MYO18A: variants seen among roughly 807,000 people sequenced by gnomAD.
MYO18A encodes unconventional myosin-XVIIIa.
In MYO18A, 78 loss-of-function variants were observed where a neutral mutation model predicts 235.8. The observed-to-expected ratio is 0.33, with a 90% CI of 0.28 to 0.40. The LOEUF is 0.40. Among genes scored for constraint, MYO18A ranks in the 10% least tolerant of loss-of-function variants. MYO18A has a pLI of 1.00. For synonymous variants in MYO18A, 977 were observed against 1,077.8 expected, an observed-to-expected ratio of 0.91 and a Z score of 1.83; for missense variants, 2,215 against 2,699.3, an observed-to-expected ratio of 0.82 and a Z score of 3.98.
intron 28 of MYO18A, among the ~76,000 whole-genome samples, chr17:29,096,445 G>T (rs1441073691): frequency 6.6e-6 from 1 of 152,200 alleles, no homozygotes; most frequent in Non-Finnish European, 1.5e-5. Context: ...GGGGCTGAGG[G>T]CAGGGACATA....
At chr17:29,076,029 TAGG>T (rs2065966741) in intron 41 of MYO18A, 1 of 158,144 alleles carries the variant, frequency 6.3e-6, no homozygotes, top group Non-Finnish European at 1.5e-5. Flanking sequence ...CAAACCAAAA[TAGG>T]AGGAGTCAGC....
chr17:29,122,776 G>A (rs1470324554), intron 2 of MYO18A, among the ~76,000 whole-genome samples: 1 of 152,160 alleles, frequency 6.6e-6, no homozygotes, highest in African/African-American at 2.4e-5. Context: ...CCTGGACTTC[G>A]CAGTACAGAA....
chr17:29,173,870 C>G (rs1249037102), intron 1 of MYO18A, among the ~76,000 whole-genome samples: 5 of 152,186 alleles, frequency 3.3e-5, no homozygotes. Context: ...CTCCTGGGCT[C>G]AAGTGATCCT....
Position 29,111,337 on chromosome 17 carries a change from G to T in MYO18A, c.2900+87C>A. On this transcript the variant is annotated intron_variant, in intron 17 of 41. Transcript: ENST00000527372. This position sits in a 1 kb window ranked among gnomAD's most constrained non-coding sequence, Gnocchi z 5.1. ...GGCCATCTACTTTGCTAGTGAGGGG[G>T]CCTCTGAGACAACCCCAGGGGGAGG... The T allele has an allele frequency of 2.8e-6, 4 of 1,452,714 alleles. No homozygotes were observed. Among genetic ancestry groups the T allele is most frequent in the Admixed American group, 2.0e-5 (1 of 49,780 alleles). 90.0% of individuals were successfully genotyped at this position (1,452,714 alleles called of 1,614,324 possible).
At chr17:29,093,824 C>T (rs559297925) in intron 31 of MYO18A, among the ~76,000 whole-genome samples, 156 bp downstream of exon 31, 2 of 152,220 alleles carry the variant, frequency 1.3e-5, no homozygotes, top group Admixed American at 6.5e-5. Flanking sequence ...TGAGCCAATA[C>T]ATCCTGCCAA....
Position 29,110,632 on chromosome 17 carries a change from G to A in MYO18A, c.2901-10C>T, listed in dbSNP as rs375273021. On this transcript the variant is annotated splice_polypyrimidine_tract_variant and intron_variant, in intron 17 of 41. Transcript: ENST00000527372. Reference sequence around the variant, plus strand: ...GTTGCTGATGATTTTTCTGCCAGAGGTGGGAGGATAAGGGAGGAAAAGCAG... The same window carrying A: ...GTTGCTGATGATTTTTCTGCCAGAGATGGGAGGATAAGGGAGGAAAAGCAG... 9.4e-6 allele frequency: 15 copies of A among 1,600,526 alleles called. No individual in the cohort carries two copies. The highest frequency in any genetic ancestry group is 1.7e-6 in the Non-Finnish European group (2 of 1,170,936).
At chr17:29,103,908 G>A (rs529505161) in intron 20 of MYO18A, among the ~76,000 whole-genome samples, 7 of 152,384 alleles carry the variant, frequency 4.6e-5, no homozygotes, top group Admixed American at 2.0e-4. Context: ...ACAGGAGGTC[G>A]CACCTACGCA....
Position 29,121,744 on chromosome 17 carries a change from G to A in MYO18A, c.1195-21C>T. 1 of 1,576,964 alleles carries A rather than the reference G, an allele frequency of 6.3e-7. No homozygotes were observed. Among genetic ancestry groups the A allele is most frequent in the Non-Finnish European group, 8.6e-7 (1 of 1,159,436 alleles). On this transcript the variant is annotated intron_variant, in intron 4 of 41. Transcript: ENST00000527372. The surrounding 1 kb of genome is among the most constrained non-coding windows in gnomAD (Gnocchi z 4.2). ...TTAGCCTGTGTGGGAGGACAGGCGG[G>A]TGGGTATTAGAGCAGCAGAGCCCAT...
Position 29,140,007 on chromosome 17 carries a change from G to T in MYO18A, c.1000-17754C>A, listed in dbSNP as rs1274112039. On this transcript the variant is annotated intron_variant, in intron 2 of 41. Coordinates refer to ENST00000527372, the MANE Select transcript of MYO18A (RefSeq NM_078471.4). This position sits in a 1 kb window ranked among gnomAD's most constrained non-coding sequence, Gnocchi z 4.2. Reference sequence around the variant, plus strand: ...AATGAAGGCCAAAAAAGCACTAATGGTTGGTGGGGAAGGCGTGTCACAGCC... The same window carrying T: ...AATGAAGGCCAAAAAAGCACTAATGTTTGGTGGGGAAGGCGTGTCACAGCC... Among the ~76,000 whole-genome samples the T allele has an allele frequency of 1.3e-5, 2 of 152,162 alleles. No individual in the cohort carries two copies. The highest frequency in any genetic ancestry group is 4.8e-5 in the African/African-American group (2 of 41,426).
At chr17:29,119,457 T>A in intron 7 of MYO18A, 22 bp from the exon 8 acceptor site, 1 of 1,588,762 alleles carries the variant, frequency 6.3e-7, no homozygotes. Context: ...CATGGACGTG[T>A]GGGTAAGGAG....
rs774400910 is a variant in MYO18A, at chr17:29,118,064, C to G, written c.2019G>C (p.Gly673=). 10 of 1,586,340 alleles carry G rather than the reference C, an allele frequency of 6.3e-6. No individual in the cohort carries two copies. The highest frequency in any genetic ancestry group is 8.6e-6 in the Non-Finnish European group (10 of 1,166,418). The change falls in exon 10 of 42, where the codon GGG becomes GGC. Residue 673 remains glycine (G), a synonymous_variant. Transcript: ENST00000527372. This position sits in a 1 kb window ranked among gnomAD's most constrained non-coding sequence, Gnocchi z 4.2. ...GGTTACCTTTGGTGGCTCCCGCAGC[C>G]CCCAGGTGGTAGATGGCAGCCAGAA... ...WFILAAIYHL[G]AAGATKEAAE...
In MYO18A at chr17:29,098,150, C is replaced by A. The variant is rs1212027873; in HGVS notation, c.3945G>T (p.Glu1315Asp). The A allele has an allele frequency of 6.2e-7, 1 of 1,613,932 alleles. No individual in the cohort carries two copies. Reference protein sequence around the residue: ...GESASQLLDAETAERLRAEKE... With the variant: ...GESASQLLDADTAERLRAEKE... ...TCTCAGCCCGGAGCCTCTCTGCTGT[C>A]TCCGCGTCCAGCAGCTGGGAGGCGG... The change falls in exon 25 of 42, where the codon GAG (glutamate) becomes GAT (aspartate). Residue 1315 changes from glutamate to aspartate, a missense_variant. Glu to Asp is a conservative substitution (Grantham distance 45, BLOSUM62 2). Coordinates refer to ENST00000527372, the MANE Select transcript of MYO18A (RefSeq NM_078471.4).
At chr17:29,122,530 A>T (rs1598341976) in intron 2 of MYO18A, among the ~76,000 whole-genome samples, 1 of 152,204 alleles carries the variant, frequency 6.6e-6, no homozygotes, top group Non-Finnish European at 1.5e-5. Context: ...GGACACAGGG[A>T]TCTTGTGCCC....
chr17:29,089,011 A>G (rs1311912231), intron 37 of MYO18A, among the ~76,000 whole-genome samples: 1 of 149,758 alleles, frequency 6.7e-6, no homozygotes, highest in African/African-American at 2.5e-5. Context: ...GCGTCACTGC[A>G]CTACAGCCTG....
Position 29,098,338 on chromosome 17 carries a change from G to A in MYO18A, c.3870+18C>T. The A allele has an allele frequency of 1.2e-6, 2 of 1,613,382 alleles. No homozygotes were observed. Among genetic ancestry groups the A allele is most frequent in the Non-Finnish European group, 1.7e-6 (2 of 1,179,590 alleles). On this transcript the variant is annotated intron_variant, in intron 24 of 41. Transcript: ENST00000527372. ...CCTGCAGCCATGCCCAGTCGGTGTG[G>A]TGCCAGGAGTCACTCACCCGGCTCT...
In MYO18A at chr17:29,090,790, G is replaced by A; in HGVS notation, c.5304+20C>T. ...GATGGTGACGGTGCAGAGTGTGACGGGCACTCCTGGCAGGGGTACCTGAGC... is the reference window on the plus strand; with the variant it reads ...GATGGTGACGGTGCAGAGTGTGACGAGCACTCCTGGCAGGGGTACCTGAGC... On this transcript the variant is annotated intron_variant, in intron 35 of 41. Coordinates refer to ENST00000527372, the MANE Select transcript of MYO18A (RefSeq NM_078471.4). The A allele has an allele frequency of 6.2e-7, 1 of 1,601,430 alleles. No individual in the cohort carries two copies. The highest frequency in any genetic ancestry group is 8.6e-7 in the Non-Finnish European group (1 of 1,168,584).
At chr17:29,079,929 C>T in intron 41 of MYO18A, 23 of 985,942 alleles carry the variant, frequency 2.3e-5, no homozygotes, top group Admixed American at 6.1e-5. Flanking sequence ...ACTCAGACTC[C>T]GTCTCCGTTC....
chr17:29,108,468 C>A (rs1440760026), intron 19 of MYO18A, among the ~76,000 whole-genome samples: 1 of 152,204 alleles, frequency 6.6e-6, no homozygotes. Flanking sequence ...GGATCTTAAG[C>A]CAGATCCAAC....
At chr17:29,080,889 C>T (rs2066104491) in intron 41 of MYO18A, 4 of 985,350 alleles carry the variant, frequency 4.1e-6, no homozygotes, top group Non-Finnish European at 3.6e-6. Flanking sequence ...AGAGCGAATC[C>T]GCGTCCCCGG....
Sources: gnomAD v4.1 joint callset for allele counts (sites outside exome capture counted in the v4.1 genomes callset) on GRCh38, gnomAD v4.1.1 for gene constraint, Gnocchi (gnomAD v3.1) non-coding constraint, MANE v1.5 for transcripts, NCBI Gene and HGNC (gene_info 2026-07-23, HGNC 2026-07-21) for gene names.